PEAK1: variants seen among roughly 807,000 people sequenced by gnomAD.
PEAK1 encodes inactive tyrosine-protein kinase PEAK1.
Under a neutral mutation model 124.7 loss-of-function variants are expected in PEAK1, and 54 were observed. The observed-to-expected ratio is 0.43, with a 90% CI of 0.35 to 0.54. The LOEUF (loss-of-function observed/expected upper bound fraction) is 0.54. Ranked by LOEUF, PEAK1 falls within the 20% of genes least tolerant of loss-of-function variation. PEAK1 has a pLI of 0.01. For missense variants in PEAK1, 2,046 were observed against 2,134.5 expected (o/e 0.96, Z 0.82); for synonymous variants, 719 against 760.0 (o/e 0.95, Z 0.89).
At chr15:77,333,733 T>C (rs1041079874) in intron 2 of PEAK1, 2 of 960,226 alleles carry the variant, frequency 2.1e-6, no homozygotes, top group African/African-American at 3.5e-5. Context: ...CTATCATACA[T>C]TAATCTGTAT....
At chr15:77,147,891 T>C (rs1303021960) in intron 8 of PEAK1, among the ~76,000 whole-genome samples, 3 of 152,360 alleles carry the variant, frequency 2.0e-5, no homozygotes, top group Admixed American at 1.3e-4. Context: ...GTTCTATATC[T>C]TCACTGTCTA....
At chr15:77,167,477 G>C (rs2056184522) in intron 7 of PEAK1, among the ~76,000 whole-genome samples, 3 of 152,176 alleles carry the variant, frequency 2.0e-5, no homozygotes, top group African/African-American at 4.8e-5. Context: ...TAACAGTAAG[G>C]ACTTCATGAA....
intron 9 of PEAK1, among the ~76,000 whole-genome samples, chr15:77,118,210 G>A (rs140342082): frequency 3.9e-5 from 6 of 152,014 alleles, no homozygotes; most frequent in African/African-American, 1.4e-4. Flanking sequence ...AAAAGAGGAG[G>A]GAAAAAGAGT....
intron 7 of PEAK1, among the ~76,000 whole-genome samples, chr15:77,169,508 C>T (rs764107290): frequency 4.1e-4 from 63 of 152,134 alleles, no homozygotes; most frequent in Admixed American, 1.4e-3. Flanking sequence ...AAGTGTTTAC[C>T]ACCACAGCTT....
chr15:77,313,877 C>T (rs891629306), intron 2 of PEAK1, among the ~76,000 whole-genome samples: 2 of 151,426 alleles, frequency 1.3e-5, no homozygotes, highest in African/African-American at 2.4e-5. Context: ...CCACCGTGCC[C>T]GGCCAAGACG....
chr15:77,196,190 T>A (rs2058094352), intron 6 of PEAK1, among the ~76,000 whole-genome samples: 1 of 152,212 alleles, frequency 6.6e-6, no homozygotes, highest in South Asian at 2.1e-4. Flanking sequence ...AATTTGTCTG[T>A]CAGCCGGTGA....
chr15:77,216,025 TATTTTAG>T lies in PEAK1; in HGVS notation c.-114-33992_-114-33986del, dbSNP rs2059135606. 2.0e-5 allele frequency among the ~76,000 whole-genome samples: 3 copies of T among 152,214 alleles called. No individual in the cohort carries two copies. The South Asian group carries it at 6.2e-4, about 31-fold the overall frequency. ...CCAACTTTATCAAAATTGTTTTAGC[TATTTTAG>T]GCTATCTTCCCATATAAATCTAAAA... On this transcript the variant is annotated intron_variant, in intron 6 of 9. Transcript: ENST00000682557.
At chr15:77,244,748 C>T (rs1056657154) in intron 6 of PEAK1, among the ~76,000 whole-genome samples, 3 of 151,942 alleles carry the variant, frequency 2.0e-5, no homozygotes, top group Non-Finnish European at 4.4e-5. Context: ...ACCACCATGC[C>T]CAGCTAATTT....
chr15:77,232,377 T>C (rs1313705167), intron 6 of PEAK1, among the ~76,000 whole-genome samples: 1 of 152,040 alleles, frequency 6.6e-6, no homozygotes, highest in South Asian at 2.1e-4. Context: ...TTATCACAAA[T>C]CTCAAATGGG....
Position 77,150,150 on chromosome 15 carries a change from TG to T in PEAK1, c.3331+8352del, listed in dbSNP as rs199986620. 3.9e-3 allele frequency among the ~76,000 whole-genome samples: 598 copies of T among 152,326 alleles called. 6 individuals are homozygous for T. Among genetic ancestry groups the T allele is most frequent in the Admixed American group, 5.9e-3 (91 of 15,300 alleles). ...TAAGTTTTTGAATGCAAAGTGATGA[TG>T]TTTTTTTTAAGTCTTAAATTTTATG... On this transcript the variant is annotated intron_variant, in intron 8 of 9. Transcript: ENST00000682557.
At chr15:77,319,061 C>T (rs758883635) in intron 2 of PEAK1, among the ~76,000 whole-genome samples, 1 of 152,170 alleles carries the variant, frequency 6.6e-6, no homozygotes, top group Non-Finnish European at 1.5e-5. Context: ...AGAAGACTGT[C>T]TCCAGCTATA....
At chr15:77,129,239 G>C (rs1442478445) in intron 9 of PEAK1, among the ~76,000 whole-genome samples, 1 of 152,180 alleles carries the variant, frequency 6.6e-6, no homozygotes, top group Non-Finnish European at 1.5e-5. Flanking sequence ...AAATAAGTTG[G>C]AACCATGAAC....
chr15:77,211,088 AAAACAGGCAAAC>A (rs974099445), intron 6 of PEAK1, among the ~76,000 whole-genome samples: 2 of 152,174 alleles, frequency 1.3e-5, no homozygotes, highest in Non-Finnish European at 2.9e-5. Flanking sequence ...AAGTTTTATT[AAAACAGGCAAAC>A]ACATCCATTC....
At chr15:77,227,351 C>A (rs1190410733) in intron 6 of PEAK1, among the ~76,000 whole-genome samples, 1 of 152,056 alleles carries the variant, frequency 6.6e-6, no homozygotes, top group Non-Finnish European at 1.5e-5. Flanking sequence ...AACACAGAGG[C>A]ACATTGACTA....
In PEAK1 at chr15:77,189,071, C is replaced by T. The variant is rs187852224; in HGVS notation, c.-114-7031G>A. Among the ~76,000 whole-genome samples, 437 of 152,066 alleles carry T rather than the reference C, an allele frequency of 2.9e-3. 1 individual carries two copies. Among genetic ancestry groups the T allele is most frequent in the African/African-American group, 9.8e-3 (408 of 41,478 alleles). On this transcript the variant is annotated intron_variant, in intron 6 of 9. Coordinates refer to ENST00000682557, the MANE Select transcript of PEAK1 (RefSeq NM_001385026.1). ...CAAAAATTAGCCAGGCGTGGTGGTG[C>T]GCGCCTGTAGTCCCAGCTACTCAGA...
intron 6 of PEAK1, among the ~76,000 whole-genome samples, chr15:77,244,595 CTTTT>C (rs752772715): frequency 7.9e-4 from 115 of 144,956 alleles, no homozygotes; most frequent in Non-Finnish European, 1.1e-3. Context: ...TTTTCTTTTT[CTTTT>C]TTTTTTTGAG....
chr15:77,307,315 T>C (rs1597215678), intron 2 of PEAK1, among the ~76,000 whole-genome samples: 1 of 152,198 alleles, frequency 6.6e-6, no homozygotes, highest in Non-Finnish European at 1.5e-5. Context: ...TAAGTAAGCA[T>C]AAACAACTGA....
chr15:77,230,531 G>A (rs1246722449), intron 6 of PEAK1, among the ~76,000 whole-genome samples: 6 of 151,912 alleles, frequency 3.9e-5, no homozygotes, highest in Non-Finnish European at 2.9e-5. Context: ...AGATTACTCA[G>A]AATTGGAAAG....
intron 6 of PEAK1, among the ~76,000 whole-genome samples, chr15:77,191,305 G>GC (rs777432074): frequency 2.6e-4 from 40 of 152,230 alleles, no homozygotes; most frequent in Non-Finnish European, 5.1e-4. Context: ...TTCATAGTAA[G>GC]CACTTAATAA....
Sources: gnomAD v4.1 joint callset for allele counts (sites outside exome capture counted in the v4.1 genomes callset) on GRCh38, gnomAD v4.1.1 for gene constraint, MANE v1.5 for transcripts, NCBI Gene and HGNC (gene_info 2026-07-23, HGNC 2026-07-21) for gene names.